Variants in VPS13A observed in about 807,000 individuals in gnomAD.
The protein encoded by VPS13A is vacuolar protein sorting 13 homolog A.
Under a neutral mutation model 390.9 loss-of-function variants are expected in VPS13A, and 264 were observed. The ratio of observed to expected loss-of-function variants is 0.68; its 90% CI spans 0.61 to 0.75. The LOEUF (loss-of-function observed/expected upper bound fraction) is 0.75, where lower values mean the gene tolerates loss of function less well. VPS13A is among the 30% of genes least tolerant of loss of function. The pLI is 0.00. For missense variants in VPS13A, 3,409 were observed against 3,733.9 expected, an observed-to-expected ratio of 0.91 and a Z score of 2.27; for synonymous variants, 1,231 against 1,227.1, an observed-to-expected ratio of 1.00 and a Z score of -0.07.
chr9:77,187,083 A>T (rs1824384231), intron 1 of VPS13A, among the ~76,000 whole-genome samples: 1 of 152,230 alleles, frequency 6.6e-6, no homozygotes, highest in African/African-American at 2.4e-5. Context: ...CAAGCTAAAT[A>T]GTATCCCATT....
intron 17 of VPS13A, among the ~76,000 whole-genome samples, chr9:77,237,141 G>A (rs1726066626): frequency 6.6e-6 from 1 of 151,988 alleles, no homozygotes; most frequent in South Asian, 2.1e-4. Context: ...GCCTGCCTCA[G>A]CCTCCCAAAG....
intron 35 of VPS13A, 28 bp downstream of exon 35, chr9:77,308,126 T>C: frequency 2.5e-6 from 4 of 1,611,878 alleles, no homozygotes; most frequent in Non-Finnish European, 2.5e-6. Flanking sequence ...AATTTCTTTC[T>C]GCTTTCCTCT....
Position 77,351,412 on chromosome 9 carries a change from G to T in VPS13A, c.7385G>T (p.Cys2462Phe), listed in dbSNP as rs200962811. 1 of 1,613,856 alleles carries T rather than the reference G, an allele frequency of 6.2e-7. No homozygotes were observed. Among genetic ancestry groups the T allele is most frequent in the South Asian group, 1.1e-5 (1 of 91,080 alleles). Reference protein sequence around the residue: ...PVGSRRLKWRCRKSHGEVTQK... With the variant: ...PVGSRRLKWRFRKSHGEVTQK... ...GGCTCTAGAAGGCTGAAGTGGAGAT[G>T]TAGAAAAAGCCATGGTGAAGTAACA... Residue 2462 changes from cysteine (C) to phenylalanine (F), a missense_variant, in exon 53 of 72, where the codon TGT becomes TTT. By Grantham distance (205) the Cys-to-Phe change is radical. Around this residue, in one of 5 missense-constraint regions of VPS13A, gnomAD observed 2,717 missense variants for 2,917.4 expected, o/e 0.93. Coordinates refer to ENST00000360280, the MANE Select transcript of VPS13A (RefSeq NM_033305.3).
At chr9:77,294,913 C>G (rs1827892378) in intron 32 of VPS13A, among the ~76,000 whole-genome samples, 1 of 151,774 alleles carries the variant, frequency 6.6e-6, no homozygotes, top group African/African-American at 2.4e-5. Context: ...GCTGTATTGC[C>G]CAAACTGGTC....
chr9:77,416,285 A>T lies in VPS13A; in HGVS notation c.*279A>T, dbSNP rs191865643. 362 of 358,278 alleles carry T rather than the reference A, an allele frequency of 1.0e-3. 2 individuals carry two copies. The highest frequency in any genetic ancestry group is 1.7e-3 in the Non-Finnish European group (327 of 191,022). 22.2% of individuals were successfully genotyped at this position (358,278 alleles called of 1,614,324 possible). On this transcript the variant is annotated 3_prime_UTR_variant, in exon 72 of 72. Coordinates refer to ENST00000360280, the MANE Select transcript of VPS13A (RefSeq NM_033305.3). Reference sequence around the variant, plus strand: ...AATTCTAATTATTTTGTAAAAGAAGACAAAATTATGAATCTTAAGTATTTG... The same window carrying T: ...AATTCTAATTATTTTGTAAAAGAAGTCAAAATTATGAATCTTAAGTATTTG...
In VPS13A at chr9:77,283,620, AG is replaced by A; in HGVS notation, c.3310del (p.Asp1104IlefsTer4). 6.2e-7 allele frequency: 1 copy of A among 1,612,238 alleles called. No homozygotes were observed. The highest frequency in any genetic ancestry group is 8.5e-7 in the Non-Finnish European group (1 of 1,178,872). Reference protein sequence around the residue: ...NAKLRNIIVLDSDITAIYKKA... With the variant: ...NAKLRNIIVLXSDITAIYKKA... ...CAAAGCTAAGGAATATAATTGTTTTAGATTCTGATATAACAGCTATATACAA... is the reference window on the plus strand; with the variant it reads ...CAAAGCTAAGGAATATAATTGTTTTAATTCTGATATAACAGCTATATACAA... On this transcript the variant is annotated frameshift_variant, in exon 31 of 72. Coordinates refer to ENST00000360280, the MANE Select transcript of VPS13A (RefSeq NM_033305.3). LOFTEE classifies it high-confidence loss of function.
chr9:77,414,739 T>TTAATAATAATAATAA (rs148536381), intron 71 of VPS13A, among the ~76,000 whole-genome samples: 1,956 of 145,668 alleles, frequency 0.013, 31 homozygotes, highest in African/African-American at 0.027. Context: ...TGAAGTATAA[T>TTAATAATAATAATAA]TAATAATAAT....
At chr9:77,315,560 A>C in intron 38 of VPS13A, 90 bp downstream of exon 38, 1 of 1,233,448 alleles carries the variant, frequency 8.1e-7, no homozygotes, top group Non-Finnish European at 1.2e-6. Flanking sequence ...TCATCAAAGT[A>C]AATGCTTTAA....
intron 68 of VPS13A, among the ~76,000 whole-genome samples, chr9:77,395,537 G>A (rs1018538978): frequency 3.3e-5 from 5 of 152,202 alleles, no homozygotes; most frequent in African/African-American, 9.6e-5. Flanking sequence ...AGCATGTGCT[G>A]TTGGACAAAT....
intron 59 of VPS13A, among the ~76,000 whole-genome samples, chr9:77,363,794 A>G (rs765587549): frequency 7.9e-5 from 12 of 152,166 alleles, no homozygotes; most frequent in Non-Finnish European, 1.3e-4. Context: ...GAACTGCACT[A>G]TATGTTATAA....
chr9:77,388,877 A>G (rs1343205084), intron 68 of VPS13A, among the ~76,000 whole-genome samples: 1 of 152,216 alleles, frequency 6.6e-6, no homozygotes, highest in Admixed American at 6.5e-5. Context: ...TGGCATTTCT[A>G]TGAATTAAAA....
At chr9:77,414,090 C>G (rs1008102564) in intron 71 of VPS13A, among the ~76,000 whole-genome samples, 44 of 152,150 alleles carry the variant, frequency 2.9e-4, no homozygotes, top group African/African-American at 1.1e-3. Context: ...CAGGAAACAA[C>G]AGGTGCTGGA....
At chr9:77,379,065 C>CTTTTTTTTTTTTT (rs71503211) in intron 67 of VPS13A, among the ~76,000 whole-genome samples, 7 of 72,408 alleles carry the variant, frequency 9.7e-5, no homozygotes, top group East Asian at 4.2e-4. Flanking sequence ...ATTTTCAGTC[C>CTTTTTTTTTTTTT]TTTTTTTTTT....
intron 13 of VPS13A, among the ~76,000 whole-genome samples, 168 bp downstream of exon 13, chr9:77,221,524 A>C (rs561081241): frequency 6.6e-6 from 1 of 152,154 alleles, no homozygotes; most frequent in South Asian, 2.1e-4. Context: ...ATAATACAAG[A>C]TTTGTTGAAA....
intron 1 of VPS13A, among the ~76,000 whole-genome samples, chr9:77,180,811 A>G (rs1823968902): frequency 6.6e-6 from 1 of 152,214 alleles, no homozygotes; most frequent in Non-Finnish European, 1.5e-5. Flanking sequence ...CACTGTCTTG[A>G]TAACTGTGTC....
intron 47 of VPS13A, among the ~76,000 whole-genome samples, 174 bp from the exon 48 acceptor site, chr9:77,339,342 T>C (rs1307932315): frequency 6.6e-6 from 1 of 152,192 alleles, no homozygotes; most frequent in African/African-American, 2.4e-5. Flanking sequence ...TTAAATACCG[T>C]GTAGAGGTTT....
At chr9:77,299,277 T>G (rs1434884152) in intron 33 of VPS13A, among the ~76,000 whole-genome samples, 1 of 152,190 alleles carries the variant, frequency 6.6e-6, no homozygotes, top group African/African-American at 2.4e-5. Flanking sequence ...TTGAAGTAGT[T>G]TTTTCTAATT....
Position 77,339,489 on chromosome 9 carries a change from G to GTTTTT in VPS13A, c.6379-23_6379-22insTTTTT, listed in dbSNP as rs765264048. The GTTTTT allele has an allele frequency of 1.7e-4, 196 of 1,122,018 alleles. 4 individuals are homozygous for GTTTTT. The highest frequency in any genetic ancestry group is 6.8e-4 in the South Asian group (40 of 58,928). The allele number at this position is 1,122,018 out of a possible 1,614,324, so 69.5% of individuals were successfully genotyped here. A position where few individuals can be genotyped will look rare whatever the true frequency, so the allele number is the denominator to read the frequency against. On this transcript the variant is annotated intron_variant, in intron 47 of 71. Transcript: ENST00000360280. Reference sequence around the variant, plus strand: ...ATTATTCTGCAACATTTTAAATTTTGTTTTGTTTTTTTTTTTTTTATTACA... The same window carrying GTTTTT: ...ATTATTCTGCAACATTTTAAATTTTGTTTTTTTTTGTTTTTTTTTTTTTTATTACA...
rs1056448110 is a variant in VPS13A at position 77,420,656 on chromosome 9, C to G, written c.*4650C>G. 1 of 151,910 alleles carries G rather than the reference C, an allele frequency of 6.6e-6. No homozygotes were observed. 9.4% of individuals were successfully genotyped at this position (151,910 alleles called of 1,614,324 possible). Reference sequence around the variant, plus strand: ...TATCACACTGCTATGATAGAAAATCCCTGTCTGTCATTGAACTATTCATTT... The same window carrying G: ...TATCACACTGCTATGATAGAAAATCGCTGTCTGTCATTGAACTATTCATTT... On this transcript the variant is annotated 3_prime_UTR_variant, in exon 72 of 72. Transcript: ENST00000360280.
Sources: gnomAD v4.1 joint callset for allele counts (sites outside exome capture counted in the v4.1 genomes callset) on GRCh38, gnomAD v4.1.1 for gene constraint, gnomAD v4.1.1 regional missense constraint, MANE v1.5 for transcripts, NCBI Gene and HGNC (gene_info 2026-07-23, HGNC 2026-07-21) for gene names.